Variants in RPS6KB1 observed in about 807,000 individuals in gnomAD.
RPS6KB1 encodes the protein ribosomal protein S6 kinase B1, also known as ribosomal protein S6 kinase beta-1.
Under a neutral mutation model 70.2 loss-of-function variants are expected in RPS6KB1, and 12 were observed. The observed-to-expected ratio is 0.17, with a 90% CI of 0.11 to 0.28. The LOEUF is 0.28. Among genes scored for constraint, RPS6KB1 ranks in the 10% least tolerant of loss-of-function variants. The probability of loss-of-function intolerance (pLI) is 1.00; values close to 1 mark genes in which losing one functional copy is unlikely to be tolerated. For missense variants in RPS6KB1, 270 were observed against 646.6 expected (o/e 0.42, Z 6.32); for synonymous variants, 175 against 211.2 (o/e 0.83, Z 1.49).
Position 59,946,627 on chromosome 17 carries a change from G to GAAT in RPS6KB1, c.1419_1421dup (p.Glu473_Tyr474insTer). 1 of 1,614,074 alleles carries GAAT rather than the reference G, an allele frequency of 6.2e-7. No individual in the cohort carries two copies. ...CACAGCAAATCCTCAGACACCTGTGGAATACCCAATGGAAACAAGTGGCAT... is the reference window on the plus strand; with the variant it reads ...CACAGCAAATCCTCAGACACCTGTGGAATAATACCCAATGGAAACAAGTGGCAT... On this transcript the variant is annotated stop_gained and inframe_insertion, in exon 15 of 15. Transcript: ENST00000225577. LOFTEE classifies it high-confidence loss of function. The surrounding 1 kb of genome is among the most constrained non-coding windows in gnomAD (Gnocchi z 4.2).
rs1014864529 is a variant in RPS6KB1, at chr17:59,905,825, T to A, written c.142-4737T>A. 5.9e-5 allele frequency among the ~76,000 whole-genome samples: 9 copies of A among 151,720 alleles called. No homozygotes were observed. In the South Asian group the frequency reaches 1.2e-3, roughly 21 times the overall value. On this transcript the variant is annotated intron_variant, in intron 1 of 14. Transcript: ENST00000225577. Reference sequence around the variant, plus strand: ...CTGGCCCTTGGGAGGACCTTTTTTTTATTATTATTTTTTTGAGACAGAATC... The same window carrying A: ...CTGGCCCTTGGGAGGACCTTTTTTTAATTATTATTTTTTTGAGACAGAATC...
chr17:59,937,158 A>C (rs955059330), intron 12 of RPS6KB1, among the ~76,000 whole-genome samples: 2 of 152,218 alleles, frequency 1.3e-5, no homozygotes, highest in Non-Finnish European at 2.9e-5. Flanking sequence ...TTCTGCACCC[A>C]GCCAAGCATC....
In RPS6KB1 at chr17:59,893,328, G is replaced by A. The variant is rs1313573832; in HGVS notation, c.141+3G>A. The A allele has an allele frequency of 6.2e-7, 1 of 1,602,246 alleles. No individual in the cohort carries two copies. Among genetic ancestry groups the A allele is most frequent in the Non-Finnish European group, 8.5e-7 (1 of 1,174,618 alleles). ...CTGAGGATGAGCTGGAGGAGGGGGTGAGGCCCGGGGTCCCCGGGGGCCCGA... is the reference window on the plus strand; with the variant it reads ...CTGAGGATGAGCTGGAGGAGGGGGTAAGGCCCGGGGTCCCCGGGGGCCCGA... On this transcript the variant is annotated splice_donor_region_variant and intron_variant, in intron 1 of 14. Coordinates refer to ENST00000225577, the MANE Select transcript of RPS6KB1 (RefSeq NM_003161.4). This position sits in a 1 kb window ranked among gnomAD's most constrained non-coding sequence, Gnocchi z 4.1.
intron 7 of RPS6KB1, among the ~76,000 whole-genome samples, chr17:59,933,658 C>T (rs2044074223): frequency 1.3e-5 from 2 of 152,068 alleles, no homozygotes; most frequent in African/African-American, 4.8e-5. Flanking sequence ...CTTTCTTTCC[C>T]CTAATTGGTA....
At chr17:59,903,332 G>A (rs976512923) in intron 1 of RPS6KB1, among the ~76,000 whole-genome samples, 7 of 149,518 alleles carry the variant, frequency 4.7e-5, no homozygotes, top group Admixed American at 2.0e-4. Context: ...AAAAAGAGCC[G>A]AGCATGGTGC....
intron 2 of RPS6KB1, among the ~76,000 whole-genome samples, chr17:59,911,221 A>AT (rs1415328110): frequency 1.4e-4 from 21 of 152,252 alleles, no homozygotes; most frequent in African/African-American, 5.1e-4. Flanking sequence ...GACAAGCTCC[A>AT]TTAGGTGAGT....
chr17:59,903,678 G>C lies in RPS6KB1; in HGVS notation c.142-6884G>C, dbSNP rs547639640. ...ACATTCTCACTAGCACTGTATGAGGGTTCCAGTTTCTCTCATCCTCCCCCA... is the reference window on the plus strand; with the variant it reads ...ACATTCTCACTAGCACTGTATGAGGCTTCCAGTTTCTCTCATCCTCCCCCA... On this transcript the variant is annotated intron_variant, in intron 1 of 14. Coordinates refer to ENST00000225577, the MANE Select transcript of RPS6KB1 (RefSeq NM_003161.4). Among the ~76,000 whole-genome samples the C allele has an allele frequency of 1.2e-4, 19 of 152,100 alleles. No individual in the cohort carries two copies. In the South Asian group the frequency reaches 3.7e-3, roughly 30 times the overall value.
intron 12 of RPS6KB1, among the ~76,000 whole-genome samples, chr17:59,937,674 T>C (rs1259930101): frequency 6.6e-6 from 1 of 152,210 alleles, no homozygotes. Flanking sequence ...ATACCAGGCA[T>C]ATTGGATTAG....
At chr17:59,916,691 A>G (rs564837096) in intron 4 of RPS6KB1, among the ~76,000 whole-genome samples, 46 of 152,034 alleles carry the variant, frequency 3.0e-4, no homozygotes, top group Middle Eastern at 3.4e-3. Flanking sequence ...CTCTTTCTTC[A>G]CCACAACCCT....
chr17:59,910,146 C>T (rs562178566), intron 1 of RPS6KB1, among the ~76,000 whole-genome samples: 2 of 150,922 alleles, frequency 1.3e-5, no homozygotes, highest in African/African-American at 4.9e-5. Flanking sequence ...GAGATGGCAC[C>T]GCTGCACTCC....
chr17:59,936,247 A>C lies in RPS6KB1; in HGVS notation c.1011A>C (p.Gly337=), dbSNP rs1355111438. ...LLKRNAASRL[G]AGPGDAGEVQ... ...AAAGAAATGCTGCTTCTCGTCTGGG[A>C]GCTGGTCCTGGGGACGCTGGAGAAG... The change falls in exon 11 of 15, where the codon GGA becomes GGC. Residue 337 remains glycine, a synonymous_variant. Coordinates refer to ENST00000225577, the MANE Select transcript of RPS6KB1 (RefSeq NM_003161.4). 1 of 1,598,468 alleles carries C rather than the reference A, an allele frequency of 6.3e-7. No individual in the cohort carries two copies. Among genetic ancestry groups the C allele is most frequent in the South Asian group, 1.1e-5 (1 of 87,304 alleles).
At chr17:59,931,806 A>G in intron 7 of RPS6KB1, 84 bp downstream of exon 7, 2 of 819,408 alleles carry the variant, frequency 2.4e-6, no homozygotes, top group Non-Finnish European at 4.0e-6. Flanking sequence ...TCAAAGCCCC[A>G]AATTCATCTC....
rs117539579 is a variant in RPS6KB1, at chr17:59,938,322, G to A, written c.1119+1781G>A. 7.0e-3 allele frequency among the ~76,000 whole-genome samples: 1,055 copies of A among 151,624 alleles called. 35 individuals are homozygous for A. Among genetic ancestry groups the A allele is most frequent in the Admixed American group, 0.05 (765 of 15,230 alleles). On this transcript the variant is annotated intron_variant, in intron 12 of 14. Transcript: ENST00000225577. ...CCACAGGGATGCATCACCACATCCA[G>A]CTAATTTTTAAATTTTTTCTAGAGA...
rs2042714286 is a variant in RPS6KB1 at position 59,912,598 on chromosome 17, A to T, written c.192-86A>T. On this transcript the variant is annotated intron_variant, in intron 2 of 14. Coordinates refer to ENST00000225577, the MANE Select transcript of RPS6KB1 (RefSeq NM_003161.4). ...TTTTACTTTTACTTACTTAGATTAC[A>T]TTTCTCTGTCTCCTTTTTCTTGACT... is the stretch of plus-strand genomic sequence containing the variant. 4.7e-5 allele frequency: 66 copies of T among 1,392,992 alleles called. No homozygotes were observed. The South Asian group carries it at 8.5e-4, about 18-fold the overall frequency. The allele number at this position is 1,392,992 out of a possible 1,614,324, so 86.3% of individuals were successfully genotyped here. A position where few individuals can be genotyped will look rare whatever the true frequency, so the allele number is the denominator to read the frequency against.
intron 13 of RPS6KB1, among the ~76,000 whole-genome samples, chr17:59,943,933 TAC>T (rs145383951): frequency 5.4e-5 from 8 of 147,158 alleles, no homozygotes; most frequent in African/African-American, 2.0e-4. Context: ...CACACATACA[TAC>T]ACACACACAT....
chr17:59,911,167 C>T (rs1305816076), intron 2 of RPS6KB1, among the ~76,000 whole-genome samples: 1 of 152,154 alleles, frequency 6.6e-6, no homozygotes, highest in Non-Finnish European at 1.5e-5. Flanking sequence ...TCCGTCTCAA[C>T]AGCAACAACA....
At chr17:59,902,690 C>CTT (rs2042029253) in intron 1 of RPS6KB1, among the ~76,000 whole-genome samples, 5 of 151,396 alleles carry the variant, frequency 3.3e-5, no homozygotes, top group Admixed American at 3.3e-4. Context: ...AATTCTTCTG[C>CTT]CTCAGTCTCT....
chr17:59,900,295 C>T (rs552311884), intron 1 of RPS6KB1, among the ~76,000 whole-genome samples: 2 of 151,640 alleles, frequency 1.3e-5, no homozygotes, highest in African/African-American at 4.8e-5. Context: ...GATATATTCA[C>T]TTTAATATCT....
At chr17:59,914,736 C>T in intron 4 of RPS6KB1, 33 bp downstream of exon 4, 2 of 1,433,896 alleles carry the variant, frequency 1.4e-6, no homozygotes, top group East Asian at 2.3e-5. Flanking sequence ...AGTCCTCACA[C>T]ACCATATTTT....
Sources: allele counts gnomAD v4.1 joint callset (sites outside exome capture counted in the v4.1 genomes callset), GRCh38; gene constraint gnomAD v4.1.1; non-coding constraint Gnocchi (gnomAD v3.1); transcripts MANE v1.5; gene names NCBI Gene and HGNC (gene_info 2026-07-23, HGNC 2026-07-21).